Variants in NKAIN2 observed in about 807,000 individuals in gnomAD.
NKAIN2 encodes the protein sodium/potassium transporting ATPase interacting 2.
Under a neutral mutation model 32.6 loss-of-function variants are expected in NKAIN2, and 14 were observed. That is an observed-to-expected ratio of 0.43 (90% CI 0.28 to 0.67). NKAIN2 has a LOEUF of 0.67. Among genes scored for constraint, NKAIN2 ranks in the 30% least tolerant of loss-of-function variants. The pLI is 0.17. For synonymous variants in NKAIN2, 80 were observed against 87.2 expected, an observed-to-expected ratio of 0.92 and a Z score of 0.46; for missense variants, 198 against 258.3, an observed-to-expected ratio of 0.77 and a Z score of 1.60.
intron 1 of NKAIN2, among the ~76,000 whole-genome samples, chr6:123,929,473 T>A (rs1159748355): frequency 6.6e-6 from 1 of 152,134 alleles, no homozygotes; most frequent in Non-Finnish European, 1.5e-5. Flanking sequence ...TATCTTTTTT[T>A]GAGACTGCCT....
intron 1 of NKAIN2, among the ~76,000 whole-genome samples, chr6:124,197,186 C>T (rs1176980761): frequency 1.3e-5 from 2 of 151,586 alleles, no homozygotes; most frequent in African/African-American, 4.8e-5. Context: ...TTTTAAAATA[C>T]TGCATTTATT....
intron 4 of NKAIN2, among the ~76,000 whole-genome samples, chr6:124,728,948 G>C (rs1241037349): frequency 1.3e-5 from 2 of 149,756 alleles, no homozygotes; most frequent in East Asian, 2.0e-4. Flanking sequence ...AAATAAACTA[G>C]AAAATCTAGA....
At chr6:124,373,297 G>A (rs1799848047) in intron 3 of NKAIN2, among the ~76,000 whole-genome samples, 2 of 152,078 alleles carry the variant, frequency 1.3e-5, no homozygotes, top group Non-Finnish European at 2.9e-5. Context: ...AGAATTTGGT[G>A]TTTCCCTTTG....
chr6:124,242,002 CAT>C (rs1793126929), intron 1 of NKAIN2, among the ~76,000 whole-genome samples: 1 of 152,040 alleles, frequency 6.6e-6, no homozygotes, highest in South Asian at 2.1e-4. Context: ...GCAAAGACTT[CAT>C]GACTAAAACA....
intron 1 of NKAIN2, among the ~76,000 whole-genome samples, chr6:124,079,545 A>T (rs557630904): frequency 2.0e-5 from 3 of 152,192 alleles, no homozygotes; most frequent in Non-Finnish European, 2.9e-5. Context: ...AGGATACATT[A>T]TAACTTTAAA....
chr6:124,708,760 G>T (rs1775255598), intron 4 of NKAIN2, among the ~76,000 whole-genome samples: 1 of 151,764 alleles, frequency 6.6e-6, no homozygotes, highest in South Asian at 2.1e-4. Flanking sequence ...GGGTTTTCTA[G>T]ATATACAATC....
At chr6:124,685,038 A>T (rs914097792) in intron 4 of NKAIN2, among the ~76,000 whole-genome samples, 2 of 152,136 alleles carry the variant, frequency 1.3e-5, no homozygotes, top group Non-Finnish European at 2.9e-5. Flanking sequence ...TACTTTATAT[A>T]TTGGGGTCTC....
intron 3 of NKAIN2, among the ~76,000 whole-genome samples, chr6:124,657,153 T>C (rs754009998): frequency 6.6e-6 from 1 of 152,230 alleles, no homozygotes; most frequent in Non-Finnish European, 1.5e-5. Flanking sequence ...TCACAAACGA[T>C]GACTTAAGAC....
chr6:124,498,494 T>A (rs1006017224), intron 3 of NKAIN2, among the ~76,000 whole-genome samples: 2 of 152,162 alleles, frequency 1.3e-5, no homozygotes, highest in Admixed American at 6.5e-5. Flanking sequence ...AAAGGGGCTA[T>A]GTCTATTTTA....
chr6:124,085,097 C>A, intron 1 of NKAIN2, among the ~76,000 whole-genome samples: 1 of 151,922 alleles, frequency 6.6e-6, no homozygotes, highest in East Asian at 1.9e-4. Flanking sequence ...TAGTGTCATC[C>A]TTAATGATGT....
intron 1 of NKAIN2, among the ~76,000 whole-genome samples, chr6:124,269,725 C>A (rs1007376427): frequency 6.6e-5 from 10 of 152,018 alleles, no homozygotes; most frequent in African/African-American, 2.4e-4. Context: ...GCCTCGGCCT[C>A]CCAAAGTGCT....
At chr6:124,475,441 T>C (rs1490505297) in intron 3 of NKAIN2, among the ~76,000 whole-genome samples, 3 of 152,152 alleles carry the variant, frequency 2.0e-5, no homozygotes, top group Non-Finnish European at 4.4e-5. Flanking sequence ...AACCCAAAGA[T>C]GGAAAATGTA....
At chr6:124,149,456 T>C (rs1787587155) in intron 1 of NKAIN2, among the ~76,000 whole-genome samples, 1 of 152,208 alleles carries the variant, frequency 6.6e-6, no homozygotes, top group South Asian at 2.1e-4. Context: ...GTTAATGTTT[T>C]GTTTATGGTG....
intron 5 of NKAIN2, among the ~76,000 whole-genome samples, chr6:124,815,529 C>T (rs1781124767): frequency 1.3e-5 from 2 of 152,178 alleles, no homozygotes; most frequent in Non-Finnish European, 2.9e-5. Context: ...CTCAGCCTCC[C>T]ACAGTGCTGG....
chr6:124,741,728 A>G (rs1178336584), intron 4 of NKAIN2, among the ~76,000 whole-genome samples: 1 of 151,880 alleles, frequency 6.6e-6, no homozygotes, highest in Non-Finnish European at 1.5e-5. Flanking sequence ...ACTGCTTTAT[A>G]ATTGACTTCA....
At chr6:124,269,954 G>C (rs1323404609) in intron 1 of NKAIN2, among the ~76,000 whole-genome samples, 1 of 152,180 alleles carries the variant, frequency 6.6e-6, no homozygotes, top group Non-Finnish European at 1.5e-5. Context: ...CCTAGAGTTT[G>C]AGAGGTTTGA....
At chr6:124,219,106 G>T (rs1254658803) in intron 1 of NKAIN2, among the ~76,000 whole-genome samples, 1 of 151,948 alleles carries the variant, frequency 6.6e-6, no homozygotes, top group Non-Finnish European at 1.5e-5. Flanking sequence ...TCCCTCAAGA[G>T]GATTACAATT....
chr6:124,508,509 T>A (rs906346956), intron 3 of NKAIN2, among the ~76,000 whole-genome samples: 1 of 574 alleles, frequency 1.7e-3, no homozygotes, highest in African/African-American at 2.0e-3. Flanking sequence ...CCCGGCTAAT[T>A]TTTTTTTGTA....
chr6:123,892,712 A>T (rs1246130070), intron 1 of NKAIN2, among the ~76,000 whole-genome samples: 1 of 151,916 alleles, frequency 6.6e-6, no homozygotes, highest in Non-Finnish European at 1.5e-5. Context: ...GTGAGGATGG[A>T]AACAAATGTA....
Sources: allele counts gnomAD v4.1 joint callset (sites outside exome capture counted in the v4.1 genomes callset), GRCh38; gene constraint gnomAD v4.1.1; transcripts MANE v1.5; gene names NCBI Gene and HGNC (gene_info 2026-07-23, HGNC 2026-07-21).